Variants in PSG4 observed in about 807,000 individuals in gnomAD.
PSG4 encodes pregnancy specific beta-1-glycoprotein 4.
A neutral mutation model predicts 44.3 loss-of-function variants in PSG4; 61 were observed. The observed-to-expected ratio is 1.38, with a 90% confidence interval of 1.12 to 1.70. The LOEUF (loss-of-function observed/expected upper bound fraction) is 1.70, where lower values mean the gene tolerates loss of function less well. PSG4 is among the 40% of genes most tolerant of loss of function. PSG4 has a pLI of 0.00. For missense variants in PSG4, 677 were observed against 511.7 expected (o/e 1.32, Z -3.12); for synonymous variants, 248 against 191.3 (o/e 1.30, Z -2.45).
chr19:43,198,577 C>A (rs1474017251), intron 2 of PSG4: 10 of 410,716 alleles, frequency 2.4e-5, no homozygotes, highest in Admixed American at 2.4e-4. Context: ...TCCTCCGTCT[C>A]CAACTGCCTG....
At chr19:43,205,223 A>T (rs10424899) in intron 1 of PSG4, among the ~76,000 whole-genome samples, 87,101 of 137,022 alleles carry the variant, frequency 0.64, 30,790 homozygotes, top group East Asian at 0.88. Context: ...TTCTCCTGCC[A>T]CAGCCTCCTG....
intron 4 of PSG4, 120 bp from the exon 5 acceptor site, chr19:43,194,714 T>C (rs1210978020): frequency 5.4e-6 from 8 of 1,477,196 alleles, no homozygotes; most frequent in African/African-American, 2.8e-5. Flanking sequence ...CCAGCCAAAC[T>C]CCCTCTATGT....
Position 43,205,609 on chromosome 19 carries a change from C to T in PSG4, c.-73G>A. 2.1e-6 allele frequency: 3 copies of T among 1,421,714 alleles called. No homozygotes were observed. Among genetic ancestry groups the T allele is most frequent in the Non-Finnish European group, 2.8e-6 (3 of 1,062,174 alleles). 88.1% of individuals were successfully genotyped at this position (1,421,714 alleles called of 1,614,324 possible). A position where few individuals can be genotyped will look rare whatever the true frequency, so the allele number is the denominator to read the frequency against. On this transcript the variant is annotated 5_prime_UTR_variant, in exon 1 of 6. Transcript: ENST00000405312. The stretch of plus-strand genomic sequence containing the variant: ...CCAGAAGCTTCCTGAGTACGGCTGT[C>T]AGCTGTGCTGTCCTTCCTCCTTCTG...
chr19:43,194,883 T>G, intron 4 of PSG4, 112 bp downstream of exon 4: 1 of 1,542,124 alleles, frequency 6.5e-7, no homozygotes, highest in Non-Finnish European at 8.7e-7. Context: ...ACCTCGGATG[T>G]CCAGAAGTAA....
chr19:43,202,284 G>A lies in PSG4; in HGVS notation c.430+1602C>T, dbSNP rs185361240. Among the ~76,000 whole-genome samples, 509 of 144,018 alleles carry A rather than the reference G, an allele frequency of 3.5e-3. 44 individuals carry two copies. The highest frequency in any genetic ancestry group is 0.023 in the South Asian group (103 of 4,540). 94.5% of individuals were successfully genotyped at this position (144,018 alleles called of 152,430 possible). A position where few individuals can be genotyped will look rare whatever the true frequency, so the allele number is the denominator to read the frequency against. ...GGTTACACTGACTTCAGAGACCCCA[G>A]GGACCAGGTGCCCCAGTTCCACAGT... On this transcript the variant is annotated intron_variant, in intron 2 of 5. Coordinates refer to ENST00000405312, the MANE Select transcript of PSG4 (RefSeq NM_002780.5).
intron 1 of PSG4, 70 bp downstream of exon 1, chr19:43,205,403 C>G (rs1967738453): frequency 1.4e-6 from 2 of 1,447,982 alleles, no homozygotes; most frequent in East Asian, 3.5e-5. Context: ...GAACCCCATC[C>G]TCTCCAGGAG....
chr19:43,196,470 C>A (rs1356834101), intron 3 of PSG4: 1 of 151,524 alleles, frequency 6.6e-6, no homozygotes, highest in East Asian at 1.9e-4. Flanking sequence ...TTTTGGATTT[C>A]TGACATTTTT....
chr19:43,197,732 G>C (rs1270460196), intron 3 of PSG4: 2 of 754,792 alleles, frequency 2.6e-6, no homozygotes, highest in Non-Finnish European at 3.9e-6. Flanking sequence ...TGTGTTCACT[G>C]ATCTGGAGCC....
Position 43,193,251 on chromosome 19 carries a change from G to T in PSG4, c.*121C>A, listed in dbSNP as rs909705946. The T allele has an allele frequency of 1.8e-5, 14 of 766,308 alleles. 2 individuals carry two copies. The highest frequency in any genetic ancestry group is 1.2e-4 in the Admixed American group (7 of 58,888). The allele number at this position is 766,308 out of a possible 1,614,324, so 47.5% of individuals were successfully genotyped here. A position where few individuals can be genotyped will look rare whatever the true frequency, so the allele number is the denominator to read the frequency against. On this transcript the variant is annotated 3_prime_UTR_variant, in exon 6 of 6. Transcript: ENST00000405312. ...GAGTGGCTCACATGTCAGGTACAAG[G>T]GTTTTCCCATGAAATTTACATCGAG...
chr19:43,200,854 G>C (rs542235191), intron 2 of PSG4, among the ~76,000 whole-genome samples: 4 of 146,552 alleles, frequency 2.7e-5, no homozygotes, highest in Admixed American at 6.8e-5. Context: ...ATAGGCGTGA[G>C]CCACTGAGCA....
intron 2 of PSG4, 137 bp downstream of exon 2, chr19:43,203,749 C>A (rs1330969929): frequency 2.8e-6 from 4 of 1,420,776 alleles, no homozygotes; most frequent in Non-Finnish European, 1.9e-6. Context: ...GTGTGTCCTG[C>A]ACTAAATGCC....
chr19:43,194,909 G>C, intron 4 of PSG4, 86 bp downstream of exon 4: 3 of 1,573,902 alleles, frequency 1.9e-6, no homozygotes. Flanking sequence ...TCTATACTTG[G>C]ACTGGAGAGA....
Position 43,193,248 on chromosome 19 carries a change from A to G in PSG4, c.*124T>C. 1.3e-6 allele frequency: 1 copy of G among 766,236 alleles called. No individual in the cohort carries two copies. Among genetic ancestry groups the G allele is most frequent in the Non-Finnish European group, 2.4e-6 (1 of 417,434 alleles). The allele number at this position is 766,236 out of a possible 1,614,324, so 47.5% of individuals were successfully genotyped here. ...TCTGAGTGGCTCACATGTCAGGTAC[A>G]AGGGTTTTCCCATGAAATTTACATC... On this transcript the variant is annotated 3_prime_UTR_variant, in exon 6 of 6. Transcript: ENST00000405312.
intron 2 of PSG4, among the ~76,000 whole-genome samples, chr19:43,200,403 A>G (rs1967452282): frequency 6.9e-6 from 1 of 144,480 alleles, no homozygotes; most frequent in Non-Finnish European, 1.5e-5. Context: ...GCTATTGTCA[A>G]AAAAAATATT....
In PSG4 at chr19:43,205,503, G is replaced by T. The variant is rs747982963; in HGVS notation, c.34C>A (p.Arg12Ser). 10 of 1,554,312 alleles carry T rather than the reference G, an allele frequency of 6.4e-6. No homozygotes were observed. The highest frequency in any genetic ancestry group is 7.8e-6 in the Non-Finnish European group (9 of 1,148,706). The change falls in exon 1 of 6, where the codon CGC (arginine) becomes AGC (serine). Residue 12 changes from arginine to serine, a missense_variant. Transcript: ENST00000405312. ...AGCAGGACCCCCTTCCAGGTGATGC[G>T]CTGTGTGCAGGGAGGGGCTGAGAGG... ...GPLSAPPCTQ[R>S]ITWKGVLLTA...
Position 43,195,273 on chromosome 19 carries a change from G to T in PSG4, c.710C>A (p.Pro237Gln). The T allele has an allele frequency of 6.2e-7, 1 of 1,610,078 alleles. No homozygotes were observed. The highest frequency in any genetic ancestry group is 8.5e-7 in the Non-Finnish European group (1 of 1,178,578). Reference sequence around the variant, plus strand: ...TGTGATGTAGGGCTTGGACAGCTTTGCTGTGTGGATAACAGAGAGAAGATT... The same window carrying T: ...TGTGATGTAGGGCTTGGACAGCTTTTCTGTGTGGATAACAGAGAGAAGATT... Reference protein sequence around the residue: ...RSDPVTLNLLPKLSKPYITIN... With the variant: ...RSDPVTLNLLQKLSKPYITIN... Residue 237 changes from proline to glutamine, a missense_variant and splice_region_variant, in exon 4 of 6, where the codon CCA becomes CAA. By Grantham distance (76) the Pro-to-Gln change is moderately conservative. Transcript: ENST00000405312.
At position 43,199,848 on chromosome 19, in the gene PSG4, G is replaced by A. The variant is rs571725882; in HGVS notation, c.431-1573C>T. On this transcript the variant is annotated intron_variant, in intron 2 of 5. Coordinates refer to ENST00000405312, the MANE Select transcript of PSG4 (RefSeq NM_002780.5). The stretch of plus-strand genomic sequence containing the variant: ...GACCAAAATAAGGTTTAGGTGTGCC[G>A]TGAATTCCAGCAGGATCACATTATG... Among the ~76,000 whole-genome samples, 206 of 145,528 alleles carry A rather than the reference G, an allele frequency of 1.4e-3. 22 individuals are homozygous for A. Among genetic ancestry groups the A allele is most frequent in the Admixed American group, 6.6e-3 (97 of 14,600 alleles).
In PSG4 at chr19:43,204,197, G is replaced by C. The variant is rs149380633; in HGVS notation, c.119C>G (p.Ala40Gly). The change falls in exon 2 of 6, where the codon GCC becomes GGC. Residue 40 changes from alanine (A) to glycine (G), a missense_variant. Coordinates refer to ENST00000405312, the MANE Select transcript of PSG4 (RefSeq NM_002780.5). ...CCCCTCAGAAACTTTGGGTGGCTGG[G>C]CTTCAATCGTGACTTGGGCAGTTGT... ...PPTTAQVTIE[A>G]QPPKVSEGKD... 3.6e-4 allele frequency: 573 copies of C among 1,584,332 alleles called. 94 individuals are homozygous for C. The African/African-American group carries it at 7.4e-3, about 20-fold the overall frequency.
Position 43,204,213 on chromosome 19 carries a change from G to T in PSG4, c.103C>A (p.Gln35Lys). 2 of 1,580,824 alleles carry T rather than the reference G, an allele frequency of 1.3e-6. No individual in the cohort carries two copies. Among genetic ancestry groups the T allele is most frequent in the Non-Finnish European group, 1.7e-6 (2 of 1,167,794 alleles). ...LNFWNPPTTA[Q>K]VTIEAQPPKV... ...GGTGGCTGGGCTTCAATCGTGACTTGGGCAGTTGTGGGCGGATTCCAGAAG... is the reference window on the plus strand; with the variant it reads ...GGTGGCTGGGCTTCAATCGTGACTTTGGCAGTTGTGGGCGGATTCCAGAAG... Residue 35 changes from glutamine to lysine, a missense_variant, in exon 2 of 6, where the codon CAA becomes AAA. Physicochemically the swap from Gln to Lys is moderately conservative, Grantham distance 53 (BLOSUM62 1). Coordinates refer to ENST00000405312, the MANE Select transcript of PSG4 (RefSeq NM_002780.5).
Sources: allele counts gnomAD v4.1 joint callset (sites outside exome capture counted in the v4.1 genomes callset), GRCh38; gene constraint gnomAD v4.1.1; transcripts MANE v1.5; gene names NCBI Gene and HGNC (gene_info 2026-07-23, HGNC 2026-07-21).